TMTC4: variants seen among roughly 807,000 people sequenced by gnomAD.
TMTC4 encodes the protein transmembrane O-mannosyltransferase targeting cadherins 4.
TMTC4 carries 65 observed loss-of-function variants against 86.0 expected under a neutral mutation model. The ratio of observed to expected loss-of-function variants is 0.76; its 90% CI spans 0.62 to 0.93. TMTC4 has a LOEUF of 0.93. Ranked by LOEUF, TMTC4 falls within the 40% of genes least tolerant of loss-of-function variation. The pLI, the probability that TMTC4 is intolerant of heterozygous loss-of-function variation, is 0.00. For synonymous variants in TMTC4, 379 were observed against 382.5 expected (o/e 0.99, Z 0.11); for missense variants, 866 against 948.1 (o/e 0.91, Z 1.14).
intron 3 of TMTC4, among the ~76,000 whole-genome samples, chr13:100,666,628 A>C (rs1448716078): frequency 6.6e-6 from 1 of 152,212 alleles, no homozygotes; most frequent in Admixed American, 6.5e-5. Flanking sequence ...AGATATTCTC[A>C]CCAAAATGAA....
Position 100,625,526 on chromosome 13 carries a change from C to T in TMTC4, c.1836+9G>A, listed in dbSNP as rs372661469. 163 of 1,613,322 alleles carry T rather than the reference C, an allele frequency of 1.0e-4. No homozygotes were observed. The highest frequency in any genetic ancestry group is 4.9e-4 in the Middle Eastern group (3 of 6,062). Reference sequence around the variant, plus strand: ...TTCCTTCCACAGGCACAGGGCACCCCGCGCTTACCAGACGCCCGAGGTTGT... The same window carrying T: ...TTCCTTCCACAGGCACAGGGCACCCTGCGCTTACCAGACGCCCGAGGTTGT... On this transcript the variant is annotated intron_variant, in intron 15 of 18. Transcript: ENST00000342624.
At position 100,635,079 on chromosome 13, in the gene TMTC4, T is replaced by C. The variant is rs1882024121; in HGVS notation, c.1319A>G (p.Tyr440Cys). Reference sequence around the variant, plus strand: ...GAATCCAAAAGTCAGCAGCACACAGTACCCAACGCTGGGGAGGTAGAGGAC... The same window carrying C: ...GAATCCAAAAGTCAGCAGCACACAGCACCCAACGCTGGGGAGGTAGAGGAC... ...ERVLYLPSVG[Y>C]CVLLTFGFGA... Residue 440 changes from tyrosine to cysteine, a missense_variant, in exon 11 of 19, where the codon TAC becomes TGC. Tyr to Cys is a radical substitution (Grantham distance 194, BLOSUM62 -2). Transcript: ENST00000342624. The C allele has an allele frequency of 3.1e-6, 5 of 1,613,946 alleles. No homozygotes were observed. Among genetic ancestry groups the C allele is most frequent in the Middle Eastern group, 3.3e-4 (2 of 6,084 alleles).
At position 100,605,145 on chromosome 13, in the gene TMTC4, G is replaced by A; in HGVS notation, c.2135-3C>T. 2 of 1,607,850 alleles carry A rather than the reference G, an allele frequency of 1.2e-6. No homozygotes were observed. On this transcript the variant is annotated splice_polypyrimidine_tract_variant and splice_region_variant and intron_variant, in intron 18 of 18. Transcript: ENST00000342624. The surrounding 1 kb of genome is among the most constrained non-coding windows in gnomAD (Gnocchi z 4.3). Reference sequence around the variant, plus strand: ...TCCCCAACGATGATAAAGCACAGCTGAAATAGCAGGAGATAAATTTCACTG... The same window carrying A: ...TCCCCAACGATGATAAAGCACAGCTAAAATAGCAGGAGATAAATTTCACTG...
chr13:100,630,027 ATGTGTGTGTG>A (rs71121125), intron 12 of TMTC4, among the ~76,000 whole-genome samples: 5 of 46,106 alleles, frequency 1.1e-4, no homozygotes, highest in African/African-American at 1.5e-4. Context: ...ATCTGTGTGT[ATGTGTGTGTG>A]TGTGTGTGTG....
chr13:100,618,532 C>T (rs1232701597), intron 15 of TMTC4, among the ~76,000 whole-genome samples: 1 of 146,844 alleles, frequency 6.8e-6, no homozygotes, highest in Non-Finnish European at 1.5e-5. Flanking sequence ...GGGTGTTTCT[C>T]GCAGAGGGGG....
rs759172735 is a variant in TMTC4, at chr13:100,625,654, T to C, written c.1717A>G (p.Met573Val). ...CTATTCTGCACTATGCCTAGATTCA[T>C]CCACGCAGCGGCAAAGTCTGGCCTA... is the stretch of plus-strand genomic sequence containing the variant. ...QIQPDFAAAW[M>V]NLGIVQNSLK... Residue 573 changes from methionine (M) to valine (V), a missense_variant, in exon 15 of 19, where the codon ATG becomes GTG. Transcript: ENST00000342624. 9 of 1,614,172 alleles carry C rather than the reference T, an allele frequency of 5.6e-6. No individual in the cohort carries two copies. The South Asian group carries it at 8.8e-5, about 16-fold the overall frequency.
intron 17 of TMTC4, among the ~76,000 whole-genome samples, chr13:100,609,855 T>G (rs1877288068): frequency 6.6e-6 from 1 of 152,130 alleles, no homozygotes; most frequent in Non-Finnish European, 1.5e-5. Context: ...AAGTGACTGC[T>G]GTTAGGTTTT....
intron 9 of TMTC4, among the ~76,000 whole-genome samples, chr13:100,636,940 T>A (rs903298394): frequency 6.6e-6 from 1 of 152,190 alleles, no homozygotes; most frequent in Non-Finnish European, 1.5e-5. Flanking sequence ...TATATAAAAA[T>A]ATGGCAAAGC....
At chr13:100,615,014 T>C (rs1878250169) in intron 15 of TMTC4, 11 of 930,780 alleles carry the variant, frequency 1.2e-5, no homozygotes, top group Non-Finnish European at 1.4e-5. Context: ...ACTTTGTAAC[T>C]CCTTGGAAAA....
At chr13:100,632,047 ACACACACTCTCTCTCT>A (rs781212525) in intron 12 of TMTC4, among the ~76,000 whole-genome samples, 898 of 63,218 alleles carry the variant, frequency 0.014, 3 homozygotes, top group Non-Finnish European at 0.025. Flanking sequence ...ACACACACAC[ACACACACTCTCTCTCT>A]CTCTCTCTCT....
intron 1 of TMTC4, among the ~76,000 whole-genome samples, chr13:100,671,846 AGT>A (rs1887141941): frequency 6.7e-6 from 1 of 150,112 alleles, no homozygotes; most frequent in East Asian, 2.0e-4. Flanking sequence ...ATAGTGGAAC[AGT>A]TTGGAAAATG....
chr13:100,628,622 G>A (rs1216756352), intron 12 of TMTC4, among the ~76,000 whole-genome samples: 1 of 152,170 alleles, frequency 6.6e-6, no homozygotes, highest in Non-Finnish European at 1.5e-5. Flanking sequence ...AGAGAATGAG[G>A]AAAGGATTTT....
At chr13:100,609,972 A>C (rs1877303981) in intron 17 of TMTC4, among the ~76,000 whole-genome samples, 1 of 152,202 alleles carries the variant, frequency 6.6e-6, no homozygotes. Flanking sequence ...GGAAGCCTGA[A>C]CGTTTCAGGG....
At chr13:100,623,041 T>C (rs769117073) in intron 15 of TMTC4, among the ~76,000 whole-genome samples, 18 of 152,148 alleles carry the variant, frequency 1.2e-4, no homozygotes, top group Non-Finnish European at 2.2e-4. Context: ...ACATTCACAT[T>C]ATGGTAAAAA....
At chr13:100,633,661 G>A (rs1419236424) in intron 12 of TMTC4, among the ~76,000 whole-genome samples, 2 of 152,186 alleles carry the variant, frequency 1.3e-5, no homozygotes, top group African/African-American at 4.8e-5. Flanking sequence ...TTTTGTCATT[G>A]TTTGAACATC....
chr13:100,635,360 C>T (rs186222659), intron 10 of TMTC4, among the ~76,000 whole-genome samples, 165 bp from the exon 11 acceptor site: 6 of 152,290 alleles, frequency 3.9e-5, no homozygotes, highest in African/African-American at 1.4e-4. Context: ...GACAGTTTAG[C>T]TTGGTAGCAT....
In TMTC4 at chr13:100,605,960, G is replaced by C. The variant is rs1447502864; in HGVS notation, c.2134+398C>G. 2.0e-5 allele frequency among the ~76,000 whole-genome samples: 3 copies of C among 152,144 alleles called. No individual in the cohort carries two copies. The highest frequency in any genetic ancestry group is 7.2e-5 in the African/African-American group (3 of 41,444). On this transcript the variant is annotated intron_variant, in intron 18 of 18. Coordinates refer to ENST00000342624, the MANE Select transcript of TMTC4 (RefSeq NM_032813.5). The surrounding 1 kb of genome is among the most constrained non-coding windows in gnomAD (Gnocchi z 4.3). ...TAAAGCAGAAGACCAGGCTGGAAGG[G>C]GAAGGTCTACTCTGTAAGAAGGAAG...
At chr13:100,651,664 T>A (rs1377369595) in intron 6 of TMTC4, among the ~76,000 whole-genome samples, 1 of 152,148 alleles carries the variant, frequency 6.6e-6, no homozygotes, top group African/African-American at 2.4e-5. Flanking sequence ...TAAAAAAAGT[T>A]AATGATGTTA....
chr13:100,622,944 C>T (rs1440008769), intron 15 of TMTC4, among the ~76,000 whole-genome samples: 4 of 152,186 alleles, frequency 2.6e-5, no homozygotes, highest in Non-Finnish European at 4.4e-5. Context: ...TTCCTGCTAT[C>T]TTGTTTTCTC....
Sources: gnomAD v4.1 joint callset for allele counts (sites outside exome capture counted in the v4.1 genomes callset) on GRCh38, gnomAD v4.1.1 for gene constraint, Gnocchi (gnomAD v3.1) non-coding constraint, MANE v1.5 for transcripts, NCBI Gene and HGNC (gene_info 2026-07-23, HGNC 2026-07-21) for gene names.